NPFFR2: variants seen among roughly 807,000 people sequenced by gnomAD.
The protein encoded by NPFFR2 is neuropeptide FF receptor 2.
A neutral mutation model predicts 13.1 loss-of-function variants in NPFFR2; 15 were observed. That is an observed-to-expected ratio of 1.15 (90% CI 0.77 to 1.76). The LOEUF is 1.76. NPFFR2 is among the 40% of genes most tolerant of loss of function. NPFFR2 has a pLI of 0.00. For missense variants in NPFFR2, 572 were observed against 503.5 expected, an observed-to-expected ratio of 1.14 and a Z score of -1.30; for synonymous variants, 190 against 175.7, an observed-to-expected ratio of 1.08 and a Z score of -0.65.
At chr4:72,046,901 A>G (rs938117684) in intron 1 of NPFFR2, among the ~76,000 whole-genome samples, 2 of 152,206 alleles carry the variant, frequency 1.3e-5, no homozygotes, top group Non-Finnish European at 2.9e-5. Flanking sequence ...AATGTTTTAG[A>G]CACTGGGGTA....
chr4:72,096,455 A>C (rs536642957), intron 1 of NPFFR2, among the ~76,000 whole-genome samples: 22 of 152,292 alleles, frequency 1.4e-4, no homozygotes, highest in African/African-American at 4.3e-4. Context: ...AGCCTGAATA[A>C]AGTATTACAA....
chr4:72,084,260 A>G (rs899606651), intron 1 of NPFFR2, among the ~76,000 whole-genome samples: 3 of 152,168 alleles, frequency 2.0e-5, no homozygotes, highest in Admixed American at 2.0e-4. Context: ...TTTACTTAAA[A>G]CTGATTTGAT....
intron 1 of NPFFR2, among the ~76,000 whole-genome samples, chr4:72,042,168 T>C (rs6446802): frequency 0.88 from 133,854 of 152,138 alleles, 60,249 homozygotes; most frequent in Non-Finnish European, 0.98. Flanking sequence ...TCTCATGAGA[T>C]CTGATGGCTT....
intron 1 of NPFFR2, among the ~76,000 whole-genome samples, chr4:72,094,490 G>A (rs968031997): frequency 5.3e-4 from 80 of 152,138 alleles, no homozygotes; most frequent in African/African-American, 1.7e-3. Context: ...AGGGTTAGGA[G>A]CTCAGACTCT....
chr4:72,116,856 T>C (rs1183290793), intron 1 of NPFFR2, among the ~76,000 whole-genome samples: 2 of 152,146 alleles, frequency 1.3e-5, no homozygotes, highest in Non-Finnish European at 2.9e-5. Flanking sequence ...CTTTTCAGTT[T>C]AGTTGTAGTT....
intron 1 of NPFFR2, among the ~76,000 whole-genome samples, chr4:72,114,077 A>G (rs1406923013): frequency 2.0e-5 from 3 of 152,216 alleles, no homozygotes; most frequent in Non-Finnish European, 4.4e-5. Flanking sequence ...TCATGTTGAC[A>G]AGGAGATTAT....
chr4:72,130,746 G>T (rs1310752708), intron 2 of NPFFR2, among the ~76,000 whole-genome samples: 2 of 152,156 alleles, frequency 1.3e-5, no homozygotes, highest in South Asian at 2.1e-4. Flanking sequence ...CCCCAGGGCT[G>T]TGTCTAGAGG....
intron 2 of NPFFR2, among the ~76,000 whole-genome samples, chr4:72,134,504 A>G (rs557407012): frequency 2.0e-5 from 3 of 152,318 alleles, no homozygotes; most frequent in South Asian, 4.1e-4. Context: ...GTATAATTAT[A>G]TCACAATTTT....
At chr4:72,108,241 G>A (rs1721471646) in intron 1 of NPFFR2, among the ~76,000 whole-genome samples, 1 of 152,016 alleles carries the variant, frequency 6.6e-6, no homozygotes, top group Admixed American at 6.6e-5. Context: ...CATATGTTCT[G>A]TATTTATTTA....
intron 1 of NPFFR2, among the ~76,000 whole-genome samples, chr4:72,088,547 T>C (rs559707828): frequency 2.6e-5 from 4 of 152,224 alleles, no homozygotes; most frequent in African/African-American, 9.6e-5. Context: ...AGAATTGTAT[T>C]TCTTTTATTT....
chr4:72,073,429 C>T (rs1259221397), intron 1 of NPFFR2, among the ~76,000 whole-genome samples: 1 of 151,902 alleles, frequency 6.6e-6, no homozygotes, highest in African/African-American at 2.4e-5. Flanking sequence ...TAAGGGAGCC[C>T]TGCAGGTTGA....
Position 72,135,818 on chromosome 4 carries a change from G to GT in NPFFR2, c.329-2212dup, listed in dbSNP as rs59437428. 2.0e-3 allele frequency among the ~76,000 whole-genome samples: 298 copies of GT among 146,346 alleles called. 1 individual carries two copies. Among genetic ancestry groups the GT allele is most frequent in the African/African-American group, 5.5e-3 (217 of 39,346 alleles). ...TTGCATTTAAAAATTGTTTTAATTT[G>GT]TTTTTTTTTTAGTTAATATGGGTAC... On this transcript the variant is annotated intron_variant, in intron 2 of 3. Transcript: ENST00000308744.
intron 3 of NPFFR2, among the ~76,000 whole-genome samples, chr4:72,139,692 G>T (rs1578482330): frequency 6.6e-6 from 1 of 152,304 alleles, no homozygotes; most frequent in Middle Eastern, 3.4e-3. Flanking sequence ...TGGGTAGCAT[G>T]ATGCCTACAG....
intron 1 of NPFFR2, among the ~76,000 whole-genome samples, chr4:72,062,808 G>A (rs1430435950): frequency 6.6e-6 from 1 of 152,174 alleles, no homozygotes; most frequent in Non-Finnish European, 1.5e-5. Context: ...CAGCCCAGTT[G>A]TCTCAGTTAA....
chr4:72,057,566 G>T (rs1352702697), intron 1 of NPFFR2, among the ~76,000 whole-genome samples: 1 of 151,838 alleles, frequency 6.6e-6, no homozygotes, highest in Non-Finnish European at 1.5e-5. Context: ...ATCTTTCACT[G>T]GATTTAGGGC....
At chr4:72,109,403 T>C (rs1721502873) in intron 1 of NPFFR2, among the ~76,000 whole-genome samples, 2 of 152,020 alleles carry the variant, frequency 1.3e-5, no homozygotes, top group African/African-American at 4.8e-5. Flanking sequence ...GTTGCTGGTT[T>C]ATTTCACTTA....
At chr4:72,105,113 T>G (rs1721382689) in intron 1 of NPFFR2, among the ~76,000 whole-genome samples, 1 of 151,590 alleles carries the variant, frequency 6.6e-6, no homozygotes, top group Non-Finnish European at 1.5e-5. Context: ...ATATACACTT[T>G]GAGAAGTAAA....
intron 1 of NPFFR2, among the ~76,000 whole-genome samples, chr4:72,109,910 A>C (rs137898293): frequency 6.6e-6 from 1 of 152,100 alleles, no homozygotes; most frequent in African/African-American, 2.4e-5. Context: ...AGAAACTCTC[A>C]TCAGTGAACC....
chr4:72,068,605 G>C (rs1292124385), intron 1 of NPFFR2, among the ~76,000 whole-genome samples: 1 of 152,176 alleles, frequency 6.6e-6, no homozygotes, highest in East Asian at 1.9e-4. Context: ...GCCTAGAACA[G>C]ACAGTGGCAT....
Sources: allele counts gnomAD v4.1 joint callset (sites outside exome capture counted in the v4.1 genomes callset), GRCh38; gene constraint gnomAD v4.1.1; transcripts MANE v1.5; gene names NCBI Gene and HGNC (gene_info 2026-07-23, HGNC 2026-07-21).